LTBP1: variants seen among roughly 807,000 people sequenced by gnomAD.
LTBP1 encodes the protein latent-transforming growth factor beta-binding protein 1.
LTBP1 carries 129 observed loss-of-function variants against 207.6 expected under a neutral mutation model. The ratio of observed to expected loss-of-function variants is 0.62; its 90% CI spans 0.54 to 0.72. The LOEUF (loss-of-function observed/expected upper bound fraction) is 0.72, where lower values mean the gene tolerates loss of function less well. Ranked by LOEUF, LTBP1 falls within the 30% of genes least tolerant of loss-of-function variation. LTBP1 has a pLI of 0.00. For synonymous variants in LTBP1, 963 were observed against 833.7 expected, an observed-to-expected ratio of 1.16 and a Z score of -2.67; for missense variants, 2,281 against 2,217.2, an observed-to-expected ratio of 1.03 and a Z score of -0.58.
At chr2:33,058,223 GTAA>G (rs1396494481) in intron 3 of LTBP1, among the ~76,000 whole-genome samples, 1 of 152,122 alleles carries the variant, frequency 6.6e-6, no homozygotes, top group Non-Finnish European at 1.5e-5. Flanking sequence ...ATTTATAAAA[GTAA>G]TAAACATTGA....
intron 30 of LTBP1, among the ~76,000 whole-genome samples, chr2:33,364,619 G>A (rs2094962643): frequency 6.6e-6 from 1 of 152,144 alleles, no homozygotes; most frequent in African/African-American, 2.4e-5. Flanking sequence ...CATGGCTTAG[G>A]GTTCATCATC....
At chr2:33,320,508 C>T (rs536776465) in intron 24 of LTBP1, among the ~76,000 whole-genome samples, 2 of 151,920 alleles carry the variant, frequency 1.3e-5, no homozygotes, top group East Asian at 3.9e-4. Context: ...GGCTTTTCTG[C>T]TTCTGTAAGT....
chr2:33,094,471 T>C (rs2079279773), intron 3 of LTBP1, among the ~76,000 whole-genome samples: 2 of 152,226 alleles, frequency 1.3e-5, no homozygotes, highest in South Asian at 2.1e-4. Flanking sequence ...TCCTCACCTG[T>C]AGAATGAGGA....
rs547727150 is a variant in LTBP1 at position 33,001,923 on chromosome 2, C to T, written c.566-18986C>T. Among the ~76,000 whole-genome samples, 2 of 134,626 alleles carry T rather than the reference C, an allele frequency of 1.5e-5. 1 individual carries two copies. The highest frequency in any genetic ancestry group is 3.3e-5 in the Non-Finnish European group (2 of 61,292). 88.3% of individuals were successfully genotyped at this position (134,626 alleles called of 152,430 possible). On this transcript the variant is annotated intron_variant, in intron 2 of 33. Transcript: ENST00000404816. Reference sequence around the variant, plus strand: ...AAACTCCCATCTTTGTAGAGATTTCCATCCTTTCAGTCTTAGACGCTTGCA... The same window carrying T: ...AAACTCCCATCTTTGTAGAGATTTCTATCCTTTCAGTCTTAGACGCTTGCA...
At chr2:33,358,496 A>T (rs1315501379) in intron 26 of LTBP1, among the ~76,000 whole-genome samples, 2 of 151,954 alleles carry the variant, frequency 1.3e-5, no homozygotes, top group Non-Finnish European at 2.9e-5. Context: ...GGACTCGAGA[A>T]GCCTATAGTT....
chr2:33,043,374 C>T (rs1050412232), intron 3 of LTBP1, among the ~76,000 whole-genome samples: 1 of 151,788 alleles, frequency 6.6e-6, no homozygotes, highest in South Asian at 2.1e-4. Flanking sequence ...GATTATGTAA[C>T]TATAATTATA....
chr2:33,119,579 T>A (rs218194), intron 4 of LTBP1, among the ~76,000 whole-genome samples: 2 of 152,106 alleles, frequency 1.3e-5, no homozygotes, highest in African/African-American at 4.8e-5. Context: ...ATTTTTGAGA[T>A]GGAGTCTCGC....
chr2:33,178,986 C>T (rs2086347722), intron 5 of LTBP1, among the ~76,000 whole-genome samples: 2 of 152,122 alleles, frequency 1.3e-5, no homozygotes, highest in Admixed American at 1.3e-4. Context: ...AGTGATCCTC[C>T]CACCTTGGCC....
At chr2:33,127,820 AG>A in intron 4 of LTBP1, among the ~76,000 whole-genome samples, 1 of 152,224 alleles carries the variant, frequency 6.6e-6, no homozygotes, top group South Asian at 2.1e-4. Flanking sequence ...AATGTGGGGA[AG>A]AAGAGGAAAA....
intron 2 of LTBP1, among the ~76,000 whole-genome samples, chr2:32,985,246 T>C (rs926949196): frequency 7.2e-6 from 1 of 138,742 alleles, no homozygotes; most frequent in African/African-American, 2.5e-5. Context: ...TGGGTTTTCC[T>C]TTGCTGAGTG....
At chr2:33,102,757 C>T (rs982565026) in intron 3 of LTBP1, among the ~76,000 whole-genome samples, 6 of 151,900 alleles carry the variant, frequency 3.9e-5, no homozygotes, top group Non-Finnish European at 8.8e-5. Context: ...ATGCACTGTC[C>T]GTATGCACAG....
intron 2 of LTBP1, among the ~76,000 whole-genome samples, chr2:33,002,524 C>T (rs1686181936): frequency 6.6e-6 from 1 of 152,170 alleles, no homozygotes; most frequent in Non-Finnish European, 1.5e-5. Context: ...CTCTTCTCCA[C>T]AGTGCTCTTG....
chr2:33,213,393 C>T (rs75650422), intron 7 of LTBP1, among the ~76,000 whole-genome samples: 1 of 152,182 alleles, frequency 6.6e-6, no homozygotes, highest in Non-Finnish European at 1.5e-5. Context: ...TAAAACATCA[C>T]CTCAATCTGT....
intron 5 of LTBP1, among the ~76,000 whole-genome samples, chr2:33,186,486 A>T (rs1014510999): frequency 6.7e-6 from 1 of 150,326 alleles, no homozygotes; most frequent in Non-Finnish European, 1.5e-5. Flanking sequence ...GGAGTTTATC[A>T]TCTAGGGAGT....
intron 4 of LTBP1, among the ~76,000 whole-genome samples, chr2:33,124,091 A>G (rs974890107): frequency 1.3e-5 from 2 of 152,230 alleles, no homozygotes; most frequent in Non-Finnish European, 2.9e-5. Context: ...AGCTGCTAAC[A>G]AGAGGTGTTT....
At position 33,044,947 on chromosome 2, in the gene LTBP1, T is replaced by G. The variant is rs113839768; in HGVS notation, c.863+23741T>G. Among the ~76,000 whole-genome samples the G allele has an allele frequency of 5.9e-3, 895 of 152,326 alleles. 12 individuals carry two copies. The highest frequency in any genetic ancestry group is 0.027 in the Middle Eastern group (8 of 294). On this transcript the variant is annotated intron_variant, in intron 3 of 33. Transcript: ENST00000404816. ...TCTGTTCATATCCTTTGCCCACTTT[T>G]TGATGGGGTTGTTTGGTTTTTTTTT...
At chr2:33,298,994 G>A (rs903742819) in intron 20 of LTBP1, among the ~76,000 whole-genome samples, 3 of 152,058 alleles carry the variant, frequency 2.0e-5, no homozygotes, top group Admixed American at 6.5e-5. Context: ...GAAACTTTGC[G>A]GCTAGGTGTG....
At chr2:33,026,896 C>T (rs1455430191) in intron 3 of LTBP1, among the ~76,000 whole-genome samples, 1 of 152,226 alleles carries the variant, frequency 6.6e-6, no homozygotes, top group Non-Finnish European at 1.5e-5. Flanking sequence ...TTAAATAGAA[C>T]ATTTCCAGCA....
chr2:32,950,752 TA>T (rs1327711749), intron 2 of LTBP1, among the ~76,000 whole-genome samples: 1 of 152,152 alleles, frequency 6.6e-6, no homozygotes, highest in Non-Finnish European at 1.5e-5. Context: ...ATTTTACAGA[TA>T]GGCAGAAGCT....
Sources: allele counts gnomAD v4.1 joint callset (sites outside exome capture counted in the v4.1 genomes callset), GRCh38; gene constraint gnomAD v4.1.1; transcripts MANE v1.5; gene names NCBI Gene and HGNC (gene_info 2026-07-23, HGNC 2026-07-21).